The following BMERB1 variants were observed in gnomAD, a reference collection of about 807,000 sequenced individuals.
The protein encoded by BMERB1 is bMERB domain containing 1, also known as bMERB domain-containing protein 1.
A neutral mutation model predicts 23.6 loss-of-function variants in BMERB1; 12 were observed. The observed-to-expected ratio is 0.51, with a 90% CI of 0.33 to 0.82. The LOEUF is 0.82. Among genes scored for constraint, BMERB1 ranks in the 40% least tolerant of loss-of-function variants. The pLI, the probability that BMERB1 is intolerant of heterozygous loss-of-function variation, is 0.03. For synonymous variants in BMERB1, 122 were observed against 96.6 expected, an observed-to-expected ratio of 1.26 and a Z score of -1.54; for missense variants, 247 against 255.4, an observed-to-expected ratio of 0.97 and a Z score of 0.22.
At chr16:15,543,587 G>A (rs140322555) in intron 2 of BMERB1, among the ~76,000 whole-genome samples, 5 of 152,158 alleles carry the variant, frequency 3.3e-5, no homozygotes, top group African/African-American at 7.2e-5. Flanking sequence ...TTGGGAGGTC[G>A]AAGCAGGAGG....
chr16:15,543,613 G>A (rs1447664829), intron 2 of BMERB1, among the ~76,000 whole-genome samples: 1 of 152,060 alleles, frequency 6.6e-6, no homozygotes, highest in Non-Finnish European at 1.5e-5. Flanking sequence ...TTGAGCCTAG[G>A]GGTTTGAGAC....
chr16:15,445,309 C>T (rs957752783), intron 1 of BMERB1, among the ~76,000 whole-genome samples: 4 of 152,106 alleles, frequency 2.6e-5, no homozygotes, highest in Non-Finnish European at 5.9e-5. Context: ...ATACAGAGGT[C>T]AGTACATGAT....
intron 1 of BMERB1, among the ~76,000 whole-genome samples, chr16:15,506,035 G>A (rs540867312): frequency 2.6e-4 from 39 of 152,198 alleles, no homozygotes; most frequent in African/African-American, 8.9e-4. Flanking sequence ...CATGGGCATT[G>A]GGATCAGATA....
Position 15,581,438 on chromosome 16 carries a change from C to T in BMERB1, c.419+107C>T, listed in dbSNP as rs975148099. Reference sequence around the variant, plus strand: ...GGGACTCACAGCCTTGCCTAACAGGCATGGCCTTGATCCACAGTCTCTGGA... The same window carrying T: ...GGGACTCACAGCCTTGCCTAACAGGTATGGCCTTGATCCACAGTCTCTGGA... On this transcript the variant is annotated intron_variant, in intron 4 of 5. Coordinates refer to ENST00000300006, the MANE Select transcript of BMERB1 (RefSeq NM_033201.3). 4.6e-6 allele frequency: 4 copies of T among 868,070 alleles called. No homozygotes were observed. The African/African-American group carries it at 6.8e-5, about 15-fold the overall frequency. 53.8% of individuals were successfully genotyped at this position (868,070 alleles called of 1,614,324 possible). A position where few individuals can be genotyped will look rare whatever the true frequency, so the allele number is the denominator to read the frequency against.
intron 2 of BMERB1, among the ~76,000 whole-genome samples, chr16:15,542,554 G>A (rs116132106): frequency 0.014 from 2,122 of 151,446 alleles, 59 homozygotes; most frequent in African/African-American, 0.05. Context: ...TAGGAGCTCT[G>A]TGCTGGGAAC....
intron 1 of BMERB1, among the ~76,000 whole-genome samples, chr16:15,481,315 A>G (rs1213966235): frequency 2.0e-5 from 3 of 152,154 alleles, no homozygotes; most frequent in African/African-American, 7.2e-5. Flanking sequence ...TCACGAGGTC[A>G]GGGGATCGAG....
intron 1 of BMERB1, among the ~76,000 whole-genome samples, chr16:15,460,635 A>C (rs1326430666): frequency 6.6e-6 from 1 of 152,168 alleles, no homozygotes; most frequent in Admixed American, 6.6e-5. Flanking sequence ...TTTGCAGGCT[A>C]CGTTGACACT....
In BMERB1 at chr16:15,471,984, C is replaced by G. The variant is rs80041197; in HGVS notation, c.106+37225C>G. The stretch of plus-strand genomic sequence containing the variant: ...ATTTTCATTTTCATTTGGTTCTATT[C>G]TTTAAGTTTTGTTTTAGAATTCTTC... On this transcript the variant is annotated intron_variant, in intron 1 of 5. Coordinates refer to ENST00000300006, the MANE Select transcript of BMERB1 (RefSeq NM_033201.3). 7.0e-3 allele frequency among the ~76,000 whole-genome samples: 1,062 copies of G among 152,230 alleles called. 12 individuals carry two copies. The highest frequency in any genetic ancestry group is 0.024 in the African/African-American group (1,001 of 41,526).
At chr16:15,568,934 A>G (rs1488082784) in intron 3 of BMERB1, among the ~76,000 whole-genome samples, 1 of 152,020 alleles carries the variant, frequency 6.6e-6, no homozygotes, top group Non-Finnish European at 1.5e-5. Flanking sequence ...TGCTAGTCCC[A>G]GGCCAGGCAT....
chr16:15,586,877 T>C lies in BMERB1; in HGVS notation c.*48T>C. ...CCATGGGGACCCCCCCCCACCCTCT[T>C]GTCTTTATAGCCCCCATTTCACCGG... is the stretch of plus-strand genomic sequence containing the variant. On this transcript the variant is annotated 3_prime_UTR_variant, in exon 6 of 6. Coordinates refer to ENST00000300006, the MANE Select transcript of BMERB1 (RefSeq NM_033201.3). 2 of 1,218,616 alleles carry C rather than the reference T, an allele frequency of 1.6e-6. No homozygotes were observed. Among genetic ancestry groups the C allele is most frequent in the Non-Finnish European group, 2.3e-6 (2 of 868,642 alleles). The allele number at this position is 1,218,616 out of a possible 1,614,324, so 75.5% of individuals were successfully genotyped here.
intron 2 of BMERB1, among the ~76,000 whole-genome samples, chr16:15,528,251 TC>T (rs1338449485): frequency 1.3e-5 from 2 of 152,034 alleles, no homozygotes; most frequent in African/African-American, 4.8e-5. Flanking sequence ...GCGCCTTGCT[TC>T]TGTGATCTCC....
chr16:15,458,031 A>G (rs1254160511), intron 1 of BMERB1, among the ~76,000 whole-genome samples: 2 of 152,188 alleles, frequency 1.3e-5, no homozygotes, highest in Non-Finnish European at 1.5e-5. Context: ...AACCACCTCC[A>G]TGATCCAATC....
At chr16:15,484,746 A>G (rs1479427970) in intron 1 of BMERB1, among the ~76,000 whole-genome samples, 3 of 152,182 alleles carry the variant, frequency 2.0e-5, no homozygotes, top group African/African-American at 7.2e-5. Context: ...CACATAACAT[A>G]GCATTCATCA....
At chr16:15,466,453 T>C (rs568888732) in intron 1 of BMERB1, among the ~76,000 whole-genome samples, 2 of 152,316 alleles carry the variant, frequency 1.3e-5, no homozygotes, top group South Asian at 4.1e-4. Flanking sequence ...CATAGGTATT[T>C]TTTGTATTTT....
At chr16:15,527,722 C>G (rs932726590) in intron 2 of BMERB1, among the ~76,000 whole-genome samples, 3 of 152,084 alleles carry the variant, frequency 2.0e-5, no homozygotes, top group Admixed American at 6.6e-5. Context: ...TATCTGATAT[C>G]TCCACTTAAA....
chr16:15,460,646 A>G (rs1282167371), intron 1 of BMERB1, among the ~76,000 whole-genome samples: 1 of 152,140 alleles, frequency 6.6e-6, no homozygotes, highest in Admixed American at 6.6e-5. Context: ...CGTTGACACT[A>G]GGTAGTGAAC....
At chr16:15,502,019 CTT>C (rs1275896302) in intron 1 of BMERB1, among the ~76,000 whole-genome samples, 3 of 152,232 alleles carry the variant, frequency 2.0e-5, no homozygotes, top group Non-Finnish European at 4.4e-5. Context: ...TACATTCTCT[CTT>C]TTATGACCCC....
intron 2 of BMERB1, among the ~76,000 whole-genome samples, chr16:15,557,761 T>G (rs1454457490): frequency 6.6e-6 from 1 of 152,168 alleles, no homozygotes. Flanking sequence ...TAATATTTAC[T>G]TGAGGCTGGA....
At chr16:15,486,009 A>T (rs1712233242) in intron 1 of BMERB1, among the ~76,000 whole-genome samples, 1 of 152,092 alleles carries the variant, frequency 6.6e-6, no homozygotes, top group African/African-American at 2.4e-5. Flanking sequence ...TGGGAGACTG[A>T]GGTGGGTGGA....
Sources: allele counts gnomAD v4.1 joint callset (sites outside exome capture counted in the v4.1 genomes callset), GRCh38; gene constraint gnomAD v4.1.1; transcripts MANE v1.5; gene names NCBI Gene and HGNC (gene_info 2026-07-23, HGNC 2026-07-21).